Variants in PCDH15 observed in about 807,000 individuals in gnomAD.
The protein encoded by PCDH15 is protocadherin-15.
In PCDH15, 129 loss-of-function variants were observed where a neutral mutation model predicts 178.5. The ratio of observed to expected loss-of-function variants is 0.72; its 90% CI spans 0.63 to 0.84. The LOEUF is 0.84. PCDH15 is among the 40% of genes least tolerant of loss of function. PCDH15 has a pLI of 0.00. For synonymous variants in PCDH15, 800 were observed against 732.0 expected (o/e 1.09, Z -1.50); for missense variants, 2,230 against 2,099.9 (o/e 1.06, Z -1.21).
At chr10:55,491,968 C>T (rs780943132) in intron 2 of PCDH15, among the ~76,000 whole-genome samples, 4 of 151,446 alleles carry the variant, frequency 2.6e-5, no homozygotes, top group Non-Finnish European at 5.9e-5. Flanking sequence ...GCAAGCCATA[C>T]AAAAAAATCA....
chr10:54,257,882 G>T (rs16905822), intron 8 of PCDH15, among the ~76,000 whole-genome samples: 3,391 of 152,066 alleles, frequency 0.022, 139 homozygotes, highest in African/African-American at 0.077. Context: ...TTTTATATGT[G>T]CAGGCAATCA....
intron 1 of PCDH15, among the ~76,000 whole-genome samples, chr10:55,233,011 G>A (rs1202727914): frequency 6.6e-6 from 1 of 151,946 alleles, no homozygotes; most frequent in Non-Finnish European, 1.5e-5. Context: ...CTATGTTTTG[G>A]GACAGTTAGT....
chr10:54,112,158 T>C (rs2095037668), intron 15 of PCDH15, among the ~76,000 whole-genome samples: 1 of 151,454 alleles, frequency 6.6e-6, no homozygotes, highest in Admixed American at 6.6e-5. Flanking sequence ...AATAAATAAA[T>C]AAATAAAATA....
intron 8 of PCDH15, among the ~76,000 whole-genome samples, chr10:54,278,840 A>G (rs1373172522): frequency 6.6e-6 from 1 of 151,574 alleles, no homozygotes; most frequent in Non-Finnish European, 1.5e-5. Flanking sequence ...TTTGTTCAGC[A>G]TGCCCCAAGA....
intron 2 of PCDH15, among the ~76,000 whole-genome samples, chr10:55,089,918 C>T (rs1842271647): frequency 6.6e-6 from 1 of 151,996 alleles, no homozygotes; most frequent in Non-Finnish European, 1.5e-5. Flanking sequence ...CAATACACCC[C>T]TTACAAAAAT....
intron 2 of PCDH15, among the ~76,000 whole-genome samples, chr10:55,626,141 G>C (rs1293298295): frequency 6.6e-6 from 1 of 151,284 alleles, no homozygotes; most frequent in Non-Finnish European, 1.5e-5. Flanking sequence ...GCAAGAGAGA[G>C]AGAAAGAGAG....
At chr10:54,832,964 G>A (rs946979167) in intron 3 of PCDH15, among the ~76,000 whole-genome samples, 1 of 152,026 alleles carries the variant, frequency 6.6e-6, no homozygotes, top group Non-Finnish European at 1.5e-5. Flanking sequence ...GAAACTACCA[G>A]GTTTGTACAG....
Position 54,185,194 on chromosome 10 carries a change from A to G in PCDH15, c.1380T>C (p.Thr460=). Residue 460 remains threonine (T), a synonymous_variant, in exon 12 of 38, where the codon ACT becomes ACC. Coordinates refer to ENST00000644397, the MANE Select transcript of PCDH15 (RefSeq NM_001384140.1). ...SVFTVTQTGI[T]RYLTLLQPVD... is the part of the protein sequence containing the mutation. ...CTGGTTGAAGTAAGGTGAGGTAGCG[A>G]GTAATACCAGTCTGTGTGACGGTGA... 6.2e-7 allele frequency: 1 copy of G among 1,613,728 alleles called. No individual in the cohort carries two copies. The highest frequency in any genetic ancestry group is 1.7e-4 in the Middle Eastern group (1 of 6,058).
chr10:54,937,323 C>T (rs1733766), intron 2 of PCDH15, among the ~76,000 whole-genome samples: 20,367 of 151,756 alleles, frequency 0.13, 1,546 homozygotes, highest in East Asian at 0.23. Context: ...ACTTTTAGAT[C>T]TGGCTTGCGA....
chr10:55,182,826 G>A (rs12414156), intron 1 of PCDH15, among the ~76,000 whole-genome samples: 17,588 of 151,994 alleles, frequency 0.12, 1,452 homozygotes, highest in Non-Finnish European at 0.17. Flanking sequence ...AGTCAAGTTA[G>A]GAAATCATTT....
chr10:54,206,522 G>A (rs1250558376), intron 10 of PCDH15, among the ~76,000 whole-genome samples: 1 of 152,026 alleles, frequency 6.6e-6, no homozygotes, highest in Non-Finnish European at 1.5e-5. Context: ...ATCCTACACT[G>A]AGGTCTGATC....
At chr10:55,201,501 T>C (rs1356927027) in intron 1 of PCDH15, among the ~76,000 whole-genome samples, 2 of 152,182 alleles carry the variant, frequency 1.3e-5, no homozygotes, top group Non-Finnish European at 1.5e-5. Flanking sequence ...ATTTACTTCT[T>C]CCCCTAATGA....
intron 3 of PCDH15, among the ~76,000 whole-genome samples, chr10:54,456,693 T>C (rs187510134): frequency 1.3e-4 from 20 of 152,144 alleles, no homozygotes; most frequent in Admixed American, 2.6e-4. Context: ...TAGAATGATA[T>C]GGTTTGGCTG....
chr10:55,537,423 G>C (rs1293358744), intron 2 of PCDH15, among the ~76,000 whole-genome samples: 1 of 151,560 alleles, frequency 6.6e-6, no homozygotes, highest in African/African-American at 2.4e-5. Context: ...ATGTATGTAT[G>C]TATGTATGTA....
Position 53,961,902 on chromosome 10 carries a change from AATT to A in PCDH15, c.2869-13_2869-11del, listed in dbSNP as rs879272050. On this transcript the variant is annotated splice_polypyrimidine_tract_variant and intron_variant, in intron 21 of 37. Coordinates refer to ENST00000644397, the MANE Select transcript of PCDH15 (RefSeq NM_001384140.1). ...GACTTGCAGGTAATCCCTAAAATAA[AATT>A]ATTAATTATTAATTTGCTGTTACCA... 1 of 1,591,468 alleles carries A rather than the reference AATT, an allele frequency of 6.3e-7. No homozygotes were observed. Among genetic ancestry groups the A allele is most frequent in the Admixed American group, 1.7e-5 (1 of 59,888 alleles).
At chr10:53,833,322 A>G (rs1322336692) in intron 29 of PCDH15, among the ~76,000 whole-genome samples, 1 of 152,058 alleles carries the variant, frequency 6.6e-6, no homozygotes, top group East Asian at 1.9e-4. Flanking sequence ...CAAGAGCCCT[A>G]TTACTTAGAT....
chr10:54,194,958 C>A (rs974446234), intron 11 of PCDH15, among the ~76,000 whole-genome samples: 1 of 152,120 alleles, frequency 6.6e-6, no homozygotes, highest in Non-Finnish European at 1.5e-5. Flanking sequence ...GCAAATGTGG[C>A]TACAAAGGTT....
intron 25 of PCDH15, among the ~76,000 whole-genome samples, chr10:53,925,446 C>G (rs748718926): frequency 1.9e-4 from 29 of 152,194 alleles, no homozygotes; most frequent in Non-Finnish European, 2.6e-4. Context: ...ACTCCAGACG[C>G]ACCATCTTTT....
At chr10:54,292,883 T>C (rs2059509916) in intron 8 of PCDH15, among the ~76,000 whole-genome samples, 1 of 152,114 alleles carries the variant, frequency 6.6e-6, no homozygotes, top group Non-Finnish European at 1.5e-5. Context: ...AAAACGGCCA[T>C]ACTGCCCAAG....
Sources: allele counts gnomAD v4.1 joint callset (sites outside exome capture counted in the v4.1 genomes callset), GRCh38; gene constraint gnomAD v4.1.1; transcripts MANE v1.5; gene names NCBI Gene and HGNC (gene_info 2026-07-23, HGNC 2026-07-21).